The following RSPH3 variants were observed in gnomAD, a reference collection of about 807,000 sequenced individuals.
RSPH3 encodes radial spoke head 3, also known as radial spoke head protein 3 homolog.
Under a neutral mutation model 43.8 loss-of-function variants are expected in RSPH3, and 21 were observed. The observed-to-expected ratio is 0.48, with a 90% CI of 0.34 to 0.69. The LOEUF is 0.69. Among genes scored for constraint, RSPH3 ranks in the 30% least tolerant of loss-of-function variants. The probability of loss-of-function intolerance (pLI) is 0.01; values close to 1 mark genes in which losing one functional copy is unlikely to be tolerated. For synonymous variants in RSPH3, 173 were observed against 179.8 expected (o/e 0.96, Z 0.30); for missense variants, 487 against 516.0 (o/e 0.94, Z 0.54).
At chr6:158,964,376 T>C in the RSPH3 span, among the ~76,000 whole-genome samples, 2 of 152,214 alleles carry the variant, frequency 1.3e-5, no homozygotes, top group African/African-American at 4.8e-5. Flanking sequence ...GTATTGTGAT[T>C]GTATGGTCTT....
At chr6:158,992,453 T>TG (rs771603189) in intron 2 of RSPH3, among the ~76,000 whole-genome samples, 2 of 140,278 alleles carry the variant, frequency 1.4e-5, no homozygotes, top group African/African-American at 2.7e-5. Flanking sequence ...CTAATTTTTG[T>TG]GGGGTTTTTT....
At chr6:158,992,586 G>A (rs988202009) in intron 2 of RSPH3, among the ~76,000 whole-genome samples, 29 of 151,458 alleles carry the variant, frequency 1.9e-4, no homozygotes, top group South Asian at 8.4e-4. Flanking sequence ...GAGCCACCAC[G>A]CCTGGCCTCT....
downstream of RSPH3, among the ~76,000 whole-genome samples, chr6:158,968,303 C>T (rs2128603358): frequency 6.6e-6 from 1 of 152,204 alleles, no homozygotes. Flanking sequence ...GGCATGACTT[C>T]AGCTCACTGC....
chr6:158,990,619 G>A (rs984640359), intron 2 of RSPH3: 1 of 151,722 alleles, frequency 6.6e-6, no homozygotes, highest in Non-Finnish European at 1.5e-5. Flanking sequence ...TTTAGCTAAC[G>A]TGTAATTTCT....
intron 2 of RSPH3, among the ~76,000 whole-genome samples, chr6:158,991,019 T>C (rs1030437631): frequency 6.6e-6 from 1 of 152,194 alleles, no homozygotes; most frequent in Non-Finnish European, 1.5e-5. Context: ...CCAGTGAGTT[T>C]ATTTTAGTTA....
At position 158,989,234 on chromosome 6, in the gene RSPH3, G is replaced by A. The variant is rs989719397; in HGVS notation, c.205-2813C>T. Among the ~76,000 whole-genome samples, 2 of 151,702 alleles carry A rather than the reference G, an allele frequency of 1.3e-5. No homozygotes were observed. The highest frequency in any genetic ancestry group is 2.9e-5 in the Non-Finnish European group (2 of 67,894). Reference sequence around the variant, plus strand: ...GCTAATTTTTGTATTTTTAGTAGACGTGGGGTTTCATCATATTGGTCAGGC... The same window carrying A: ...GCTAATTTTTGTATTTTTAGTAGACATGGGGTTTCATCATATTGGTCAGGC... On this transcript the variant is annotated intron_variant, in intron 2 of 7. Transcript: ENST00000367069. The surrounding 1 kb of genome is among the most constrained non-coding windows in gnomAD (Gnocchi z 4.3).
At position 158,999,815 on chromosome 6, in the gene RSPH3, C is replaced by T; in HGVS notation, c.-265G>A. ...AGCAACCCAGGGTTCTGTCTGGGGG[C>T]GGGAACTCCGGGCAGTTCCGGTCCC... On this transcript the variant is annotated 5_prime_UTR_variant, in exon 1 of 8. Transcript: ENST00000367069. 6.2e-7 allele frequency: 1 copy of T among 1,613,508 alleles called. No homozygotes were observed. The highest frequency in any genetic ancestry group is 8.5e-7 in the Non-Finnish European group (1 of 1,179,754).
chr6:158,966,755 CA>C, the RSPH3 span, among the ~76,000 whole-genome samples: 294 of 148,030 alleles, frequency 2.0e-3, 2 homozygotes, highest in African/African-American at 6.8e-3. Context: ...TTAATCTTTG[CA>C]AAAAAAAACC....
intron 3 of RSPH3, among the ~76,000 whole-genome samples, chr6:158,984,203 AT>A (rs1778136072): frequency 6.6e-6 from 1 of 151,950 alleles, no homozygotes; most frequent in Non-Finnish European, 1.5e-5. Context: ...TTCAAAACAT[AT>A]TTAAATGAAT....
At chr6:158,970,192 T>A (rs1007865331), downstream of RSPH3, among the ~76,000 whole-genome samples, 1 of 151,630 alleles carries the variant, frequency 6.6e-6, no homozygotes, top group Non-Finnish European at 1.5e-5. Flanking sequence ...CTGTTTGTTA[T>A]TCTTTGTTTA....
downstream of RSPH3, among the ~76,000 whole-genome samples, chr6:158,970,526 C>T (rs1467509209): frequency 6.6e-6 from 1 of 151,582 alleles, no homozygotes; most frequent in East Asian, 2.0e-4. Flanking sequence ...ATGTAGTTTC[C>T]CGAGAATGTC....
chr6:158,993,126 C>CT (rs371960773), intron 2 of RSPH3, among the ~76,000 whole-genome samples: 9 of 147,302 alleles, frequency 6.1e-5, no homozygotes, highest in South Asian at 4.3e-4. Context: ...AAAATTGGGG[C>CT]TTTTTTTTTT....
chr6:158,999,297 G>T, intron 1 of RSPH3, 138 bp downstream of exon 1: 1 of 757,176 alleles, frequency 1.3e-6, no homozygotes, highest in Non-Finnish European at 2.0e-6. Flanking sequence ...GATTCCTTAG[G>T]GCAGAACTTT....
At chr6:158,990,484 A>T (rs1387490773) in intron 2 of RSPH3, 1 of 152,130 alleles carries the variant, frequency 6.6e-6, no homozygotes, top group Non-Finnish European at 1.5e-5. Context: ...GAACTCCTGA[A>T]AAATATTTTC....
At chr6:158,996,404 A>G (rs1341536117) in intron 1 of RSPH3, among the ~76,000 whole-genome samples, 1 of 152,218 alleles carries the variant, frequency 6.6e-6, no homozygotes, top group African/African-American at 2.4e-5. Flanking sequence ...TTATAATCCT[A>G]TGAAAAGGTG....
At position 158,983,685 on chromosome 6, in the gene RSPH3, C is replaced by A. The variant is rs138202910; in HGVS notation, c.469G>T (p.Ala157Ser). Residue 157 changes from alanine to serine, a missense_variant, in exon 4 of 8, where the codon GCC becomes TCC. Coordinates refer to ENST00000367069, the MANE Select transcript of RSPH3 (RefSeq NM_031924.8). ...FIPAKTGKDVATQILEGELFD... is the reference protein window; with the variant it reads ...FIPAKTGKDVSTQILEGELFD... The stretch of plus-strand genomic sequence containing the variant: ...ACCTCTCCTTCTAGTATTTGGGTGG[C>A]CACATCTTTGCCAGTTTTGGCAGGA... The A allele has an allele frequency of 1.9e-6, 3 of 1,613,486 alleles. No individual in the cohort carries two copies. Among genetic ancestry groups the A allele is most frequent in the Non-Finnish European group, 2.5e-6 (3 of 1,179,542 alleles).
At chr6:158,997,693 C>G (rs992409750) in intron 1 of RSPH3, among the ~76,000 whole-genome samples, 1 of 152,066 alleles carries the variant, frequency 6.6e-6, no homozygotes, top group Non-Finnish European at 1.5e-5. Context: ...TAATGAACCA[C>G]CATTGATTCT....
In RSPH3 at chr6:158,978,383, C is replaced by T. The variant is rs1368019985; in HGVS notation, c.860-37G>A. The T allele has an allele frequency of 6.7e-6, 7 of 1,038,270 alleles. No individual in the cohort carries two copies. The South Asian group carries it at 9.1e-5, about 14-fold the overall frequency. 64.3% of individuals were successfully genotyped at this position (1,038,270 alleles called of 1,614,324 possible). ...GAATTCATTGATTTTCATGTATTAT[C>T]AGAGGAATAATGCGCTTTTCTCTTA... On this transcript the variant is annotated intron_variant, in intron 6 of 7. Coordinates refer to ENST00000367069, the MANE Select transcript of RSPH3 (RefSeq NM_031924.8).
chr6:158,971,483 A>C (rs1410891751), downstream of RSPH3, among the ~76,000 whole-genome samples: 1 of 152,154 alleles, frequency 6.6e-6, no homozygotes, highest in Non-Finnish European at 1.5e-5. Flanking sequence ...TAATATAAAC[A>C]TGTAGTCAGG....
Sources: allele counts gnomAD v4.1 joint callset (sites outside exome capture counted in the v4.1 genomes callset), GRCh38; gene constraint gnomAD v4.1.1; non-coding constraint Gnocchi (gnomAD v3.1); transcripts MANE v1.5; gene names NCBI Gene and HGNC (gene_info 2026-07-23, HGNC 2026-07-21).